DLG2: variants seen among roughly 807,000 people sequenced by gnomAD.
DLG2 encodes disks large homolog 2.
Under a neutral mutation model 132.5 loss-of-function variants are expected in DLG2, and 45 were observed. That is an observed-to-expected ratio of 0.34 (90% CI 0.27 to 0.44). The LOEUF is 0.44. Among genes scored for constraint, DLG2 ranks in the 20% least tolerant of loss-of-function variants. DLG2 has a pLI of 1.00. For synonymous variants in DLG2, 424 were observed against 419.6 expected, an observed-to-expected ratio of 1.01 and a Z score of -0.13; for missense variants, 1,045 against 1,196.9, an observed-to-expected ratio of 0.87 and a Z score of 1.87.
chr11:85,570,206 T>C (rs1042993128), intron 3 of DLG2, among the ~76,000 whole-genome samples: 5 of 152,182 alleles, frequency 3.3e-5, no homozygotes, highest in Non-Finnish European at 7.3e-5. Flanking sequence ...ATGAGATGGA[T>C]GATGATATTA....
intron 3 of DLG2, among the ~76,000 whole-genome samples, chr11:85,351,098 G>C (rs1224556333): frequency 6.6e-6 from 1 of 152,150 alleles, no homozygotes; most frequent in Non-Finnish European, 1.5e-5. Context: ...GCAGTGGTTT[G>C]TAGTTCTCCT....
chr11:85,000,652 C>T (rs561649424), intron 6 of DLG2, among the ~76,000 whole-genome samples: 83 of 152,216 alleles, frequency 5.5e-4, no homozygotes, highest in Non-Finnish European at 2.9e-4. Flanking sequence ...CAAAGTGTTG[C>T]TTGAGAATTG....
rs1161326659 is a variant in DLG2 at position 83,642,431 on chromosome 11, C to T, written c.1826-9106G>A. On this transcript the variant is annotated intron_variant, in intron 18 of 27. Coordinates refer to ENST00000376104, the MANE Select transcript of DLG2 (RefSeq NM_001142699.3). ...TTGTTTTGACTAGAACAATCTCTTGCAGCTTGGATGGAGAAACTTTACAGA... is the reference window on the plus strand; with the variant it reads ...TTGTTTTGACTAGAACAATCTCTTGTAGCTTGGATGGAGAAACTTTACAGA... Among the ~76,000 whole-genome samples the T allele has an allele frequency of 2.0e-5, 3 of 152,188 alleles. No individual in the cohort carries two copies. In the South Asian group the frequency reaches 6.2e-4, roughly 32 times the overall value.
chr11:84,949,000 T>C (rs2050582047), intron 6 of DLG2, among the ~76,000 whole-genome samples: 1 of 152,228 alleles, frequency 6.6e-6, no homozygotes, highest in South Asian at 2.1e-4. Flanking sequence ...AGGAGGGTCC[T>C]ACTGAAAAAC....
At chr11:84,225,577 C>T (rs1398291642) in intron 8 of DLG2, among the ~76,000 whole-genome samples, 1 of 152,150 alleles carries the variant, frequency 6.6e-6, no homozygotes, top group Admixed American at 6.5e-5. Context: ...GACTCTCTTG[C>T]TATCAGTGAT....
At chr11:84,443,334 C>G (rs1408480147) in intron 7 of DLG2, among the ~76,000 whole-genome samples, 1 of 126,122 alleles carries the variant, frequency 7.9e-6, no homozygotes, top group Non-Finnish European at 1.5e-5. Context: ...AAATCTCCAC[C>G]CTACCTCCTC....
chr11:85,094,157 G>A (rs567302963), intron 6 of DLG2, among the ~76,000 whole-genome samples: 1 of 152,162 alleles, frequency 6.6e-6, no homozygotes, highest in African/African-American at 2.4e-5. Context: ...ATTATGATTG[G>A]CACTACAGTA....
chr11:83,530,434 G>T (rs2095710733), intron 21 of DLG2, among the ~76,000 whole-genome samples: 2 of 151,762 alleles, frequency 1.3e-5, no homozygotes, highest in African/African-American at 4.8e-5. Flanking sequence ...GTTTTTCATG[G>T]TGACAGCAAT....
chr11:85,269,546 T>C (rs2077399973), intron 4 of DLG2, among the ~76,000 whole-genome samples: 2 of 152,214 alleles, frequency 1.3e-5, no homozygotes, highest in Admixed American at 6.5e-5. Flanking sequence ...TTATAAAATA[T>C]GCTAAATAAT....
At chr11:85,590,733 T>C (rs1453682937) in intron 3 of DLG2, among the ~76,000 whole-genome samples, 2 of 152,010 alleles carry the variant, frequency 1.3e-5, no homozygotes, top group African/African-American at 4.8e-5. Context: ...TAATACTAGT[T>C]TGCTTGCTAT....
At chr11:83,867,902 C>T (rs1430335079) in intron 16 of DLG2, among the ~76,000 whole-genome samples, 1 of 151,728 alleles carries the variant, frequency 6.6e-6, no homozygotes, top group South Asian at 2.1e-4. Flanking sequence ...TTAAGCGCTA[C>T]ACATGTAAGG....
intron 19 of DLG2, among the ~76,000 whole-genome samples, chr11:83,618,470 G>T (rs768120138): frequency 3.9e-5 from 6 of 152,084 alleles, no homozygotes; most frequent in Non-Finnish European, 8.8e-5. Flanking sequence ...TGTATAAGAC[G>T]CTAGGTGATT....
At chr11:84,717,180 G>C (rs1293933362) in intron 6 of DLG2, among the ~76,000 whole-genome samples, 1 of 151,998 alleles carries the variant, frequency 6.6e-6, no homozygotes, top group Non-Finnish European at 1.5e-5. Flanking sequence ...AATGGTTTTA[G>C]ACTTTGCCAT....
At chr11:85,299,485 C>T (rs2079449501) in intron 3 of DLG2, among the ~76,000 whole-genome samples, 1 of 152,184 alleles carries the variant, frequency 6.6e-6, no homozygotes, top group Non-Finnish European at 1.5e-5. Context: ...CTGAAGCCTC[C>T]TTCACCAAAA....
chr11:85,032,862 T>C (rs898318634), intron 6 of DLG2, among the ~76,000 whole-genome samples: 13 of 152,214 alleles, frequency 8.5e-5, no homozygotes, highest in Non-Finnish European at 1.9e-4. Flanking sequence ...CAGAGAGCAA[T>C]GGTAGAGATG....
In DLG2 at chr11:85,310,619, C is replaced by A. The variant is rs1429768196; in HGVS notation, c.41-25254G>T. 1.3e-5 allele frequency among the ~76,000 whole-genome samples: 2 copies of A among 152,176 alleles called. 1 individual carries two copies. The highest frequency in any genetic ancestry group is 4.1e-4 in the South Asian group (2 of 4,836). ...TAGAAAAATCAGACTGGTGGGATAG[C>A]AAACCCAGATGCTGTCCTCCCTGTT... On this transcript the variant is annotated intron_variant, in intron 3 of 27. Coordinates refer to ENST00000376104, the MANE Select transcript of DLG2 (RefSeq NM_001142699.3).
At chr11:83,906,942 T>A (rs1461070603) in intron 15 of DLG2, among the ~76,000 whole-genome samples, 1 of 152,092 alleles carries the variant, frequency 6.6e-6, no homozygotes. Flanking sequence ...ATACCTAATA[T>A]AAGATAAAAG....
In DLG2 at chr11:83,681,704, A is replaced by G. The variant is rs148803991; in HGVS notation, c.1826-48379T>C. On this transcript the variant is annotated intron_variant, in intron 18 of 27. Transcript: ENST00000376104. ...TGTTCACACAAAAGATTGCAATTTGAATCTTGCCTTGCACAGGTTCAGCTC... is the reference window on the plus strand; with the variant it reads ...TGTTCACACAAAAGATTGCAATTTGGATCTTGCCTTGCACAGGTTCAGCTC... 2.0e-5 allele frequency: 3 copies of G among 152,292 alleles called. No individual in the cohort carries two copies. The East Asian group carries it at 5.8e-4, about 29-fold the overall frequency. 9.4% of individuals were successfully genotyped at this position (152,292 alleles called of 1,614,324 possible).
At position 84,877,512 on chromosome 11, in the gene DLG2, C is replaced by CTTTTTT. The variant is rs60339036; in HGVS notation, c.357+234143_357+234148dup. ...TCAGAGACTAGGATTGCAACCCCTG[C>CTTTTTT]TTTTTTTTTTTTTTTTTTTTTTGCT... On this transcript the variant is annotated intron_variant, in intron 6 of 27. Transcript: ENST00000376104. Among the ~76,000 whole-genome samples, 183 of 57,408 alleles carry CTTTTTT rather than the reference C, an allele frequency of 3.2e-3. 1 individual carries two copies. Among genetic ancestry groups the CTTTTTT allele is most frequent in the East Asian group, 6.1e-3 (10 of 1,636 alleles). 37.7% of individuals were successfully genotyped at this position (57,408 alleles called of 152,430 possible).
Sources: gnomAD v4.1 joint callset for allele counts (sites outside exome capture counted in the v4.1 genomes callset) on GRCh38, gnomAD v4.1.1 for gene constraint, MANE v1.5 for transcripts, NCBI Gene and HGNC (gene_info 2026-07-23, HGNC 2026-07-21) for gene names.